The following CYFIP1 variants were observed in gnomAD, a reference collection of about 807,000 sequenced individuals.
CYFIP1 encodes cytoplasmic FMR1-interacting protein 1.
CYFIP1 carries 58 observed loss-of-function variants against 163.5 expected under a neutral mutation model. The observed-to-expected ratio is 0.35, with a 90% CI of 0.29 to 0.44. The LOEUF is 0.44. Among genes scored for constraint, CYFIP1 ranks in the 20% least tolerant of loss-of-function variants. The pLI, the probability that CYFIP1 is intolerant of heterozygous loss-of-function variation, is 1.00. For synonymous variants in CYFIP1, 663 were observed against 660.7 expected (o/e 1.00, Z -0.05); for missense variants, 1,338 against 1,653.8 (o/e 0.81, Z 3.31).
intron 28 of CYFIP1, 56 bp from the exon 29 acceptor site, chr15:22,873,785 A>G (rs1456414393): frequency 2.1e-6 from 3 of 1,425,214 alleles, no homozygotes; most frequent in African/African-American, 2.8e-5. Context: ...CAGCTACTCC[A>G]CATCCTCTAT....
chr15:22,939,290 CA>C lies in CYFIP1; in HGVS notation c.696del (p.Gly233AlafsTer10). The C allele has an allele frequency of 6.2e-7, 1 of 1,614,134 alleles. No individual in the cohort carries two copies. Among genetic ancestry groups the C allele is most frequent in the Non-Finnish European group, 8.5e-7 (1 of 1,180,014 alleles). ...ATATCTGCCAGGAGCTCTTCGTAGC[CA>C]GAAATCACTTCGAGCTGCTGCTGCA... ...QSLQQQLEVI[S>X]GYEELLADIV... is the part of the protein sequence containing the mutation. On this transcript the variant is annotated frameshift_variant, in exon 8 of 31. Coordinates refer to ENST00000617928, the MANE Select transcript of CYFIP1 (RefSeq NM_014608.6). LOFTEE classifies it high-confidence loss of function.
At chr15:22,880,347 C>A (rs190993496) in intron 25 of CYFIP1, among the ~76,000 whole-genome samples, 13 of 152,192 alleles carry the variant, frequency 8.5e-5, no homozygotes, top group Middle Eastern at 3.2e-3. Context: ...ACAAAGACTG[C>A]ACCACATCCC....
At chr15:22,948,256 T>C (rs2062126915) in intron 1 of CYFIP1, among the ~76,000 whole-genome samples, 1 of 152,120 alleles carries the variant, frequency 6.6e-6, no homozygotes, top group Admixed American at 6.6e-5. Flanking sequence ...AAATTGCTCA[T>C]GAGCTTCAAG....
chr15:22,926,194 C>A, intron 12 of CYFIP1, 87 bp from the exon 13 acceptor site: 2 of 1,577,062 alleles, frequency 1.3e-6, no homozygotes, highest in South Asian at 2.3e-5. Context: ...TGGCCAAAGC[C>A]AGGCCAGCCT....
At chr15:22,924,747 A>G (rs2061304018) in intron 13 of CYFIP1, among the ~76,000 whole-genome samples, 1 of 152,118 alleles carries the variant, frequency 6.6e-6, no homozygotes, top group South Asian at 2.1e-4. Context: ...ATAAGATGAG[A>G]ATTTACTATG....
chr15:22,870,718 G>C (rs766137357), intron 30 of CYFIP1, among the ~76,000 whole-genome samples: 13 of 152,122 alleles, frequency 8.5e-5, no homozygotes, highest in Non-Finnish European at 1.9e-4. Flanking sequence ...GCGCACAATT[G>C]ATAGGCCTAT....
chr15:22,884,835 C>T lies in CYFIP1; in HGVS notation c.2677-1824G>A, dbSNP rs776875276. The stretch of plus-strand genomic sequence containing the variant: ...CCTTTGAAATCTAGGTGGTCCAACA[C>T]CACGCGGAAGCCACCAAGGCTTGGG... On this transcript the variant is annotated intron_variant, in intron 23 of 30. Coordinates refer to ENST00000617928, the MANE Select transcript of CYFIP1 (RefSeq NM_014608.6). 1.5e-3 allele frequency among the ~76,000 whole-genome samples: 225 copies of T among 152,254 alleles called. 4 individuals are homozygous for T. In the Middle Eastern group the frequency reaches 0.017, roughly 12 times the overall value.
At position 22,910,593 on chromosome 15, in the gene CYFIP1, T is replaced by C. The variant is rs766843153; in HGVS notation, c.2195A>G (p.Lys732Arg). The change falls in exon 20 of 31, where the codon AAG (lysine) becomes AGG (arginine). Residue 732 changes from lysine (K) to arginine (R), a missense_variant. Around this residue, in one of 4 missense-constraint regions of CYFIP1, gnomAD observed 824 missense variants for 995.7 expected, o/e 0.83. Transcript: ENST00000617928. ...GAGGTGGATCGTGGCTCCCTGATTC[T>C]TGCATTCTGATCGTAACCGTTTATC... is the stretch of plus-strand genomic sequence containing the variant. ...LLDKRLRSECKNQGATIHLPP... is the reference protein window; with the variant it reads ...LLDKRLRSECRNQGATIHLPP... 14 of 1,614,090 alleles carry C rather than the reference T, an allele frequency of 8.7e-6. No individual in the cohort carries two copies. Among genetic ancestry groups the C allele is most frequent in the African/African-American group, 1.3e-5 (1 of 74,944 alleles).
At position 22,910,611 on chromosome 15, in the gene CYFIP1, C is replaced by A. The variant is rs1486160282; in HGVS notation, c.2177G>T (p.Arg726Leu). 1.9e-6 allele frequency: 3 copies of A among 1,613,980 alleles called. No homozygotes were observed. The Admixed American group carries it at 5.0e-5, about 27-fold the overall frequency. Residue 726 changes from arginine (R) to leucine (L), a missense_variant, in exon 20 of 31, where the codon CGG (arginine) becomes CTG (leucine). This residue lies in a region of CYFIP1 where 824 missense variants were observed against 995.7 expected (regional missense o/e 0.83). Transcript: ENST00000617928. ...CTGATTCTTGCATTCTGATCGTAACCGTTTATCAAGAAGCAAACTAGTGTA... is the reference window on the plus strand; with the variant it reads ...CTGATTCTTGCATTCTGATCGTAACAGTTTATCAAGAAGCAAACTAGTGTA... ...VMAGSLLLDK[R>L]LRSECKNQGA...
intron 1 of CYFIP1, among the ~76,000 whole-genome samples, chr15:22,975,118 G>A (rs766746571): frequency 1.3e-5 from 2 of 152,054 alleles, no homozygotes; most frequent in Non-Finnish European, 2.9e-5. Flanking sequence ...TTTATTATGA[G>A]AACACAGTAT....
chr15:22,910,393 C>T (rs1252047257), intron 20 of CYFIP1, 127 bp downstream of exon 20: 1 of 702,718 alleles, frequency 1.4e-6, no homozygotes, highest in Non-Finnish European at 2.4e-6. Context: ...AACTCCTAAC[C>T]TCAGGTGATC....
rs2061282567 is a variant in CYFIP1, at chr15:22,924,099, C to G, written c.1359+1883G>C. Among the ~76,000 whole-genome samples the G allele has an allele frequency of 2.0e-5, 3 of 151,934 alleles. No homozygotes were observed. In the South Asian group the frequency reaches 6.2e-4, roughly 32 times the overall value. On this transcript the variant is annotated intron_variant, in intron 13 of 30. Coordinates refer to ENST00000617928, the MANE Select transcript of CYFIP1 (RefSeq NM_014608.6). ...CAATATTATTCAGCAATAAACAGAA[C>G]AAAACAGTGATACCTGTGTGAATCT...
At chr15:22,908,287 T>C (rs2142042790) in intron 21 of CYFIP1, among the ~76,000 whole-genome samples, 1 of 152,156 alleles carries the variant, frequency 6.6e-6, no homozygotes, top group African/African-American at 2.4e-5. Context: ...GGCTTGCCTC[T>C]GTAGGCTCCG....
At chr15:22,873,159 T>G (rs577023864) in intron 29 of CYFIP1, among the ~76,000 whole-genome samples, 187 bp from the exon 30 acceptor site, 1 of 152,280 alleles carries the variant, frequency 6.6e-6, no homozygotes, top group East Asian at 1.9e-4. Flanking sequence ...GATAAATAAC[T>G]TTTTTGGGCT....
At chr15:22,941,400 G>A (rs1167586280) in intron 6 of CYFIP1, among the ~76,000 whole-genome samples, 6 of 152,100 alleles carry the variant, frequency 3.9e-5, no homozygotes, top group South Asian at 2.1e-4. Context: ...CTGAGGTGGC[G>A]GGTGGGGAGA....
Position 22,917,862 on chromosome 15 carries a change from G to T in CYFIP1, c.1600C>A (p.Arg534=), listed in dbSNP as rs747329807. The change falls in exon 15 of 31, where the codon CGG becomes AGG. Residue 534 remains arginine (R), a synonymous_variant. Transcript: ENST00000617928. This position sits in a 1 kb window ranked among gnomAD's most constrained non-coding sequence, Gnocchi z 4.2. ...GHEPFNDPAL[R]GEKDPKSGFD... ...CCGCTCTTGGGGTCCTTCTCGCCCC[G>T]CAAGGCTGGGTCATTGAAGGGCTCA... 3 of 1,613,826 alleles carry T rather than the reference G, an allele frequency of 1.9e-6. No homozygotes were observed. The South Asian group carries it at 3.3e-5, about 18-fold the overall frequency.
At chr15:22,905,482 CTCTTT>C (rs1483436724) in intron 21 of CYFIP1, 1 of 147,040 alleles carries the variant, frequency 6.8e-6, no homozygotes, top group Admixed American at 7.2e-5. Context: ...AAAATGTTCC[CTCTTT>C]TCATTCCTTT....
chr15:22,873,637 C>T lies in CYFIP1; in HGVS notation c.3303G>A (p.Arg1101=). ...SMFEVILTRI[R]SFLDDPIWRG... ...GCCAGATGGGGTCATCCAGAAAGCT[C>T]CGGATCCGTGTCAGGATGACCTCAA... Residue 1101 remains arginine, a synonymous_variant, in exon 29 of 31, where the codon CGG becomes CGA. Coordinates refer to ENST00000617928, the MANE Select transcript of CYFIP1 (RefSeq NM_014608.6). 6.2e-7 allele frequency: 1 copy of T among 1,614,268 alleles called. No homozygotes were observed. Among genetic ancestry groups the T allele is most frequent in the Non-Finnish European group, 8.5e-7 (1 of 1,180,044 alleles).
chr15:22,897,486 T>G (rs1358845883), intron 22 of CYFIP1, among the ~76,000 whole-genome samples: 1 of 151,206 alleles, frequency 6.6e-6, no homozygotes, highest in Admixed American at 6.6e-5. Flanking sequence ...TTGTTTTTTT[T>G]TTTTGTTTGT....
Sources: allele counts gnomAD v4.1 joint callset (sites outside exome capture counted in the v4.1 genomes callset), GRCh38; gene constraint gnomAD v4.1.1; regional missense constraint gnomAD v4.1.1; non-coding constraint Gnocchi (gnomAD v3.1); transcripts MANE v1.5; gene names NCBI Gene and HGNC (gene_info 2026-07-23, HGNC 2026-07-21).